Variants in NOC3L observed in about 807,000 individuals in gnomAD.
NOC3L encodes NOC3 like DNA replication regulator.
Under a neutral mutation model 102.5 loss-of-function variants are expected in NOC3L, and 85 were observed. The observed-to-expected ratio is 0.83, with a 90% CI of 0.70 to 0.99. The LOEUF is 0.99. Among genes scored for constraint, NOC3L ranks in the 50% least tolerant of loss-of-function variants. The pLI, the probability that NOC3L is intolerant of heterozygous loss-of-function variation, is 0.00. For missense variants in NOC3L, 878 were observed against 914.9 expected (o/e 0.96, Z 0.52); for synonymous variants, 303 against 309.4 (o/e 0.98, Z 0.22).
chr10:94,325,728 T>A, the NOC3L span: 1 of 152,282 alleles, frequency 6.6e-6, no homozygotes, highest in Admixed American at 6.5e-5. Flanking sequence ...AGTACTCTGA[T>A]AGCCTTATTT....
rs1426056030 is a variant in NOC3L at position 94,358,190 on chromosome 10, CTCT to C, written c.240_242del (p.Glu85del). The C allele has an allele frequency of 6.4e-7, 1 of 1,571,118 alleles. No individual in the cohort carries two copies. Among genetic ancestry groups the C allele is most frequent in the South Asian group, 1.1e-5 (1 of 90,376 alleles). The stretch of plus-strand genomic sequence containing the variant: ...CTAAAGGAAGGGCTTCTTCTTCTTC[CTCT>C]TCTTCCCTCTCAATCCTTTTACCTG... On this transcript the variant is annotated inframe_deletion, in exon 3 of 21. Transcript: ENST00000371361.
chr10:94,319,213 C>A, the NOC3L span, among the ~76,000 whole-genome samples: 50 of 151,996 alleles, frequency 3.3e-4, no homozygotes, highest in Non-Finnish European at 3.4e-4. Context: ...CCTTTATATG[C>A]CTTTGTTAGG....
chr10:94,321,640 A>C, the NOC3L span, among the ~76,000 whole-genome samples: 2,274 of 152,058 alleles, frequency 0.015, 26 homozygotes, highest in Non-Finnish European at 0.023. Flanking sequence ...AAAAAAAAAA[A>C]AAAAAACCCA....
chr10:94,348,081 G>A (rs1010156508), intron 10 of NOC3L, among the ~76,000 whole-genome samples: 2 of 150,124 alleles, frequency 1.3e-5, no homozygotes, highest in African/African-American at 4.9e-5. Context: ...GAAAAAAAAT[G>A]GTGATGAAAT....
intron 19 of NOC3L, 56 bp downstream of exon 19, chr10:94,337,721 T>G (rs919169327): frequency 8.7e-6 from 10 of 1,149,422 alleles, no homozygotes; most frequent in Non-Finnish European, 1.3e-5. Context: ...CTTCTCATAG[T>G]AAGTGGCTAT....
intron 5 of NOC3L, among the ~76,000 whole-genome samples, chr10:94,355,311 C>T (rs530873392): frequency 6.6e-6 from 1 of 151,356 alleles, no homozygotes; most frequent in South Asian, 2.1e-4. Flanking sequence ...TGGCTAAGCT[C>T]ATAAACCAAA....
intron 11 of NOC3L, among the ~76,000 whole-genome samples, chr10:94,345,800 A>C (rs1326730248): frequency 6.6e-6 from 1 of 152,126 alleles, no homozygotes. Context: ...GATCACTCTA[A>C]TAAACTGTTT....
chr10:94,345,322 G>A (rs1022086020), intron 11 of NOC3L, among the ~76,000 whole-genome samples: 2 of 151,564 alleles, frequency 1.3e-5, no homozygotes, highest in Admixed American at 1.3e-4. Context: ...AGAACATGTT[G>A]AGCCCAAAAA....
chr10:94,321,248 C>A, the NOC3L span, among the ~76,000 whole-genome samples: 1 of 152,188 alleles, frequency 6.6e-6, no homozygotes, highest in African/African-American at 2.4e-5. Flanking sequence ...CTTTTAAATA[C>A]AATTTACTGT....
chr10:94,359,170 A>G (rs1473595202), intron 2 of NOC3L, among the ~76,000 whole-genome samples: 6 of 152,176 alleles, frequency 3.9e-5, no homozygotes, highest in Non-Finnish European at 8.8e-5. Flanking sequence ...CACACCTGTA[A>G]TCTTAGCACT....
downstream of NOC3L, chr10:94,329,801 A>AAAC (rs1564905207): frequency 1.5e-4 from 22 of 148,360 alleles, no homozygotes; most frequent in South Asian, 2.1e-4. Flanking sequence ...AAAAAAAAAA[A>AAAC]AAAAAAAAAA....
chr10:94,354,974 G>T lies in NOC3L; in HGVS notation c.685C>A (p.Pro229Thr), dbSNP rs138770211. 3.7e-6 allele frequency: 6 copies of T among 1,612,730 alleles called. No homozygotes were observed. The African/African-American group carries it at 6.7e-5, about 18-fold the overall frequency. The part of the protein sequence containing the change: ...AALASAILSD[P>T]ENNIKKLKEL... The stretch of plus-strand genomic sequence containing the variant: ...TTAATACTACCTACATTATTTTCTG[G>T]ATCTGATAATATGGCAGATGCCAAG... Residue 229 changes from proline to threonine, a missense_variant, in exon 6 of 21, where the codon CCA becomes ACA. Pro to Thr is a conservative substitution (Grantham distance 38). Transcript: ENST00000371361.
chr10:94,338,615 G>A lies in NOC3L; in HGVS notation c.2084C>T (p.Ala695Val). Reference sequence around the variant, plus strand: ...AACCAGGGCCACTCTTACCCGCAGAGCATGCAGTTCCCACAGAGCAGTGTT... The same window carrying A: ...AACCAGGGCCACTCTTACCCGCAGAACATGCAGTTCCCACAGAGCAGTGTT... ...AQNTALWELH[A>V]LRRHYHPIVQ... is the part of the protein sequence containing the mutation. The change falls in exon 18 of 21, where the codon GCT becomes GTT. Residue 695 changes from alanine to valine, a missense_variant. By Grantham distance (64) the Ala-to-Val change is moderately conservative (BLOSUM62 0). Transcript: ENST00000371361. The A allele has an allele frequency of 6.4e-7, 1 of 1,555,124 alleles. No homozygotes were observed. The highest frequency in any genetic ancestry group is 1.3e-5 in the South Asian group (1 of 79,624).
chr10:94,323,524 A>T, the NOC3L span, among the ~76,000 whole-genome samples: 1 of 152,382 alleles, frequency 6.6e-6, no homozygotes, highest in Non-Finnish European at 1.5e-5. Context: ...CGTTGGCTCC[A>T]GCAAAACACT....
At chr10:94,326,806 T>C in the NOC3L span, among the ~76,000 whole-genome samples, 7 of 152,230 alleles carry the variant, frequency 4.6e-5, no homozygotes, top group Non-Finnish European at 8.8e-5. Context: ...ACTTTTTTTT[T>C]CTTTTTCTAA....
In NOC3L at chr10:94,362,905, G is replaced by A; in HGVS notation, c.-67C>T. On this transcript the variant is annotated 5_prime_UTR_variant, in exon 1 of 21. Coordinates refer to ENST00000371361, the MANE Select transcript of NOC3L (RefSeq NM_022451.11). The stretch of plus-strand genomic sequence containing the variant: ...AAGCAGGGTTACTACAGAAATCCCG[G>A]GGAATGACACACGTGCCGAAGTCCC... 1 of 1,613,468 alleles carries A rather than the reference G, an allele frequency of 6.2e-7. No individual in the cohort carries two copies. The highest frequency in any genetic ancestry group is 8.5e-7 in the Non-Finnish European group (1 of 1,179,730).
chr10:94,342,474 C>A (rs1279954247), intron 13 of NOC3L, among the ~76,000 whole-genome samples: 1 of 151,684 alleles, frequency 6.6e-6, no homozygotes, highest in Non-Finnish European at 1.5e-5. Flanking sequence ...TTTGGAGAAG[C>A]AATCTGACAA....
chr10:94,323,635 G>A, the NOC3L span, among the ~76,000 whole-genome samples: 2 of 152,162 alleles, frequency 1.3e-5, no homozygotes, highest in East Asian at 3.8e-4. Context: ...TTAATACAAT[G>A]CCTAGCAAAT....
chr10:94,357,405 A>C lies in NOC3L; in HGVS notation c.351-74T>G, dbSNP rs537972498. 8.9e-5 allele frequency: 118 copies of C among 1,332,850 alleles called. 1 individual carries two copies. The African/African-American group carries it at 1.4e-3, about 16-fold the overall frequency. 82.6% of individuals were successfully genotyped at this position (1,332,850 alleles called of 1,614,324 possible). ...TTATCTAGAGACCTATCATTTCAAA[A>C]GTACAGAAAAACCACCAGCCAACTT... On this transcript the variant is annotated intron_variant, in intron 3 of 20. Transcript: ENST00000371361.
Sources: gnomAD v4.1 joint callset for allele counts (sites outside exome capture counted in the v4.1 genomes callset) on GRCh38, gnomAD v4.1.1 for gene constraint, MANE v1.5 for transcripts, NCBI Gene and HGNC (gene_info 2026-07-23, HGNC 2026-07-21) for gene names.